Variants in ESF1 observed in about 807,000 individuals in gnomAD.
ESF1 encodes the protein ESF1 nucleolar pre-rRNA processing protein.
A neutral mutation model predicts 92.0 loss-of-function variants in ESF1; 58 were observed. That is an observed-to-expected ratio of 0.63 (90% confidence interval 0.51 to 0.78). ESF1 has a LOEUF of 0.78. ESF1 is among the 30% of genes least tolerant of loss of function. The pLI, the probability that ESF1 is intolerant of heterozygous loss-of-function variation, is 0.00. For missense variants in ESF1, 922 were observed against 989.1 expected (o/e 0.93, Z 0.91); for synonymous variants, 321 against 313.7 (o/e 1.02, Z -0.24).
chr20:13,761,714 C>A (rs886696336), intron 8 of ESF1, among the ~76,000 whole-genome samples: 1 of 152,156 alleles, frequency 6.6e-6, no homozygotes, highest in Non-Finnish European at 1.5e-5. Flanking sequence ...GAAAAACATT[C>A]ACATCTGCAT....
At chr20:13,761,250 C>CCGCA (rs1290126695) in intron 8 of ESF1, among the ~76,000 whole-genome samples, 3 of 151,962 alleles carry the variant, frequency 2.0e-5, no homozygotes, top group African/African-American at 7.3e-5. Context: ...CTGCGGAAGG[C>CCGCA]CGCAGGGTCC....
At chr20:13,750,547 C>T (rs1978586390) in intron 9 of ESF1, among the ~76,000 whole-genome samples, 1 of 151,978 alleles carries the variant, frequency 6.6e-6, no homozygotes, top group African/African-American at 2.4e-5. Flanking sequence ...GTACTTACAC[C>T]CTATCCTTTA....
intron 11 of ESF1, among the ~76,000 whole-genome samples, chr20:13,719,685 T>G (rs376083756): frequency 6.6e-6 from 1 of 152,078 alleles, no homozygotes; most frequent in African/African-American, 2.4e-5. Flanking sequence ...AGAACCCCTA[T>G]GAGAAAATAC....
intron 2 of ESF1, 51 bp downstream of exon 2, chr20:13,782,453 A>AAAATG: frequency 7.1e-7 from 1 of 1,414,226 alleles, no homozygotes; most frequent in Middle Eastern, 2.6e-4. Flanking sequence ...AAAGATCAGT[A>AAAATG]TAAAAATAAA....
At chr20:13,781,714 G>T (rs1980198318) in intron 2 of ESF1, among the ~76,000 whole-genome samples, 2 of 152,110 alleles carry the variant, frequency 1.3e-5, no homozygotes, top group African/African-American at 4.8e-5. Context: ...TTGCATAAAG[G>T]CATCATATAA....
chr20:13,756,246 A>T (rs1358072856), intron 9 of ESF1, among the ~76,000 whole-genome samples: 1 of 152,240 alleles, frequency 6.6e-6, no homozygotes, highest in Non-Finnish European at 1.5e-5. Context: ...TAGCACACAG[A>T]AAAACCCTTT....
At chr20:13,771,249 G>T (rs1979667732) in intron 6 of ESF1, 82 bp downstream of exon 6, 1 of 1,293,024 alleles carries the variant, frequency 7.7e-7, no homozygotes, top group Non-Finnish European at 1.1e-6. Context: ...ATAAAACAGA[G>T]ATCACTACCA....
intron 2 of ESF1, 134 bp from the exon 3 acceptor site, chr20:13,776,404 T>C (rs966036817): frequency 2.4e-6 from 2 of 828,352 alleles, no homozygotes; most frequent in African/African-American, 3.5e-5. Context: ...ATATATTCAG[T>C]AAATGCTTAG....
chr20:13,769,945 G>T lies in ESF1; in HGVS notation c.1480C>A (p.Pro494Thr). ...ASEVNLTAYK[P>T]KYFTSAAMGT... ...ATTGCAGCAGAAGTGAAATATTTTG[G>T]TTTATATGCTGTTAAATTCACTTCT... The change falls in exon 7 of 14, where the codon CCA (proline) becomes ACA (threonine). Residue 494 changes from proline to threonine, a missense_variant. Coordinates refer to ENST00000617257, the MANE Select transcript of ESF1 (RefSeq NM_001276380.2). 1.9e-6 allele frequency: 3 copies of T among 1,611,828 alleles called. No homozygotes were observed. The highest frequency in any genetic ancestry group is 1.7e-6 in the Non-Finnish European group (2 of 1,179,360).
At chr20:13,729,697 A>C (rs1007968756) in intron 10 of ESF1, among the ~76,000 whole-genome samples, 1 of 152,234 alleles carries the variant, frequency 6.6e-6, no homozygotes, top group African/African-American at 2.4e-5. Flanking sequence ...AAGTAGGACA[A>C]TGTAATGAAC....
Position 13,734,025 on chromosome 20 carries a change from A to C in ESF1, c.1829-183T>G, listed in dbSNP as rs1217673350. Among the ~76,000 whole-genome samples the C allele has an allele frequency of 2.0e-5, 3 of 152,356 alleles. No individual in the cohort carries two copies. The East Asian group carries it at 5.8e-4, about 29-fold the overall frequency. ...GTGACATAGGACCAACTTCTATAAA[A>C]GTTATTTCCTAATAACAAACAACAA... On this transcript the variant is annotated intron_variant, in intron 9 of 13. Transcript: ENST00000617257.
chr20:13,784,915 C>T lies in ESF1; in HGVS notation c.-79G>A. On this transcript the variant is annotated 5_prime_UTR_variant, in exon 1 of 14. It adds an upstream start codon to the 5' untranslated region. Transcript: ENST00000617257. ...CCTACCAAGCCTCACGTGGGGCTCACACCCACAATCCTCCGCGTGACGCTC... is the reference window on the plus strand; with the variant it reads ...CCTACCAAGCCTCACGTGGGGCTCATACCCACAATCCTCCGCGTGACGCTC... The T allele has an allele frequency of 1.5e-6, 1 of 688,790 alleles. No individual in the cohort carries two copies. Among genetic ancestry groups the T allele is most frequent in the Non-Finnish European group, 2.4e-6 (1 of 408,496 alleles). 42.7% of individuals were successfully genotyped at this position (688,790 alleles called of 1,614,324 possible).
chr20:13,725,418 G>A (rs567762346), intron 11 of ESF1, among the ~76,000 whole-genome samples: 9 of 152,060 alleles, frequency 5.9e-5, no homozygotes, highest in Non-Finnish European at 1.3e-4. Flanking sequence ...ACTGCTCCAC[G>A]TCTTTGCTCC....
intron 11 of ESF1, among the ~76,000 whole-genome samples, chr20:13,722,224 G>A (rs893359114): frequency 1.3e-5 from 2 of 151,920 alleles, no homozygotes; most frequent in African/African-American, 2.4e-5. Flanking sequence ...CTTGAAAGGA[G>A]GACTGTAATA....
At position 13,760,652 on chromosome 20, in the gene ESF1, C is replaced by T. The variant is rs868172306; in HGVS notation, c.1667-799G>A. On this transcript the variant is annotated intron_variant, in intron 8 of 13. Coordinates refer to ENST00000617257, the MANE Select transcript of ESF1 (RefSeq NM_001276380.2). ...GTCTCCGCCCGGCAGCCGCCCTGTC[C>T]GGGAGGGAGGCGGGGGGTCAGCCCC... 3.8e-3 allele frequency among the ~76,000 whole-genome samples: 577 copies of T among 151,564 alleles called. 3 individuals carry two copies. Among genetic ancestry groups the T allele is most frequent in the African/African-American group, 0.013 (530 of 41,260 alleles).
intron 9 of ESF1, among the ~76,000 whole-genome samples, chr20:13,749,393 T>C (rs552851851): frequency 1.3e-4 from 20 of 152,046 alleles, no homozygotes; most frequent in African/African-American, 4.6e-4. Flanking sequence ...ACCTTCAAAG[T>C]GTATGCTTCA....
At chr20:13,766,402 T>C (rs538087189) in intron 8 of ESF1, among the ~76,000 whole-genome samples, 1 of 151,862 alleles carries the variant, frequency 6.6e-6, no homozygotes, top group South Asian at 2.1e-4. Context: ...AAACAGGGAG[T>C]CTACTTTTTA....
intron 13 of ESF1, among the ~76,000 whole-genome samples, chr20:13,717,164 C>A (rs6079148): frequency 0.093 from 14,139 of 151,958 alleles, 804 homozygotes; most frequent in Non-Finnish European, 0.13. Context: ...CACTATGTTG[C>A]CCAGGCTGGT....
intron 12 of ESF1, among the ~76,000 whole-genome samples, 154 bp downstream of exon 12, chr20:13,718,754 T>TAAAAAACAAAAAACAAAAAAAAA (rs77388094): frequency 1.3e-5 from 2 of 152,120 alleles, no homozygotes; most frequent in African/African-American, 2.4e-5. Flanking sequence ...ATTTAGAAAC[T>TAAAAAACAAAAAACAAAAAAAAA]ACACTGCTAA....
Sources: allele counts gnomAD v4.1 joint callset (sites outside exome capture counted in the v4.1 genomes callset), GRCh38; gene constraint gnomAD v4.1.1; transcripts MANE v1.5; gene names NCBI Gene and HGNC (gene_info 2026-07-23, HGNC 2026-07-21).